Variants in MDGA2 observed in about 807,000 individuals in gnomAD.
MDGA2 encodes MAM domain-containing glycosylphosphatidylinositol anchor protein 2.
In MDGA2, 40 loss-of-function variants were observed where a neutral mutation model predicts 117.8. The ratio of observed to expected loss-of-function variants is 0.34; its 90% confidence interval spans 0.26 to 0.44. The LOEUF is 0.44. MDGA2 is among the 20% of genes least tolerant of loss of function. The pLI is 1.00. For synonymous variants in MDGA2, 452 were observed against 439.0 expected, an observed-to-expected ratio of 1.03 and a Z score of -0.37; for missense variants, 1,123 against 1,250.6, an observed-to-expected ratio of 0.90 and a Z score of 1.54.
At chr14:46,858,488 C>A (rs1453983695) in intron 14 of MDGA2, among the ~76,000 whole-genome samples, 1 of 143,606 alleles carries the variant, frequency 7.0e-6, no homozygotes, top group Non-Finnish European at 1.5e-5. Flanking sequence ...AGTGCAGTGG[C>A]GCGATCTCGG....
chr14:47,102,575 G>A (rs572546869), intron 5 of MDGA2, among the ~76,000 whole-genome samples: 64 of 152,150 alleles, frequency 4.2e-4, no homozygotes, highest in African/African-American at 1.5e-3. Context: ...AACAAGGAAG[G>A]AAGAAAAGCC....
At chr14:47,635,578 T>C (rs1359149623) in intron 1 of MDGA2, among the ~76,000 whole-genome samples, 1 of 152,164 alleles carries the variant, frequency 6.6e-6, no homozygotes, top group Non-Finnish European at 1.5e-5. Flanking sequence ...CCCTTACATA[T>C]TAAATGTACT....
At chr14:47,185,151 A>G (rs1884860580) in intron 3 of MDGA2, among the ~76,000 whole-genome samples, 1 of 151,134 alleles carries the variant, frequency 6.6e-6, no homozygotes, top group African/African-American at 2.4e-5. Flanking sequence ...TTGAATTAAA[A>G]AGATGAATAG....
At chr14:47,179,224 G>A (rs1407156665) in intron 3 of MDGA2, among the ~76,000 whole-genome samples, 1 of 151,830 alleles carries the variant, frequency 6.6e-6, no homozygotes, top group East Asian at 1.9e-4. Flanking sequence ...ATATTATATG[G>A]GGAGCCGAAT....
At chr14:47,408,013 T>C (rs1431718205) in intron 1 of MDGA2, among the ~76,000 whole-genome samples, 2 of 151,956 alleles carry the variant, frequency 1.3e-5, no homozygotes, top group Admixed American at 6.6e-5. Context: ...AGGGAATTTG[T>C]AGATATAATT....
chr14:46,976,787 A>G (rs1039932939), intron 8 of MDGA2, among the ~76,000 whole-genome samples: 1 of 151,908 alleles, frequency 6.6e-6, no homozygotes, highest in Non-Finnish European at 1.5e-5. Flanking sequence ...TAATTCTTCT[A>G]GAATTGAGTC....
At chr14:47,120,076 C>T (rs1451305154) in intron 5 of MDGA2, among the ~76,000 whole-genome samples, 1 of 152,132 alleles carries the variant, frequency 6.6e-6, no homozygotes, top group South Asian at 2.1e-4. Flanking sequence ...TACCCAGTGA[C>T]GCTTCACCGG....
intron 10 of MDGA2, among the ~76,000 whole-genome samples, chr14:46,902,519 T>A (rs1309016519): frequency 6.6e-6 from 1 of 152,194 alleles, no homozygotes; most frequent in Non-Finnish European, 1.5e-5. Flanking sequence ...CTTATTTCCT[T>A]CCAAAATATT....
chr14:47,501,245 T>C (rs558168137), intron 1 of MDGA2, among the ~76,000 whole-genome samples: 17 of 152,164 alleles, frequency 1.1e-4, no homozygotes, highest in Non-Finnish European at 2.1e-4. Flanking sequence ...CAACATTCTA[T>C]GGGACAAGTA....
rs574337575 is a variant in MDGA2, at chr14:47,660,753, A to AT, written c.280+13763dup. Among the ~76,000 whole-genome samples the AT allele has an allele frequency of 1.2e-4, 18 of 152,284 alleles. No homozygotes were observed. In the East Asian group the frequency reaches 3.3e-3, roughly 28 times the overall value. On this transcript the variant is annotated intron_variant, in intron 1 of 16. Transcript: ENST00000399232. The stretch of plus-strand genomic sequence containing the variant: ...TAAAGTAGTACACCTGACAGTGGTT[A>AT]TTTTTTATAAGCACATACCTACTAT...
intron 1 of MDGA2, among the ~76,000 whole-genome samples, chr14:47,416,962 G>A (rs556511287): frequency 8.5e-5 from 13 of 152,300 alleles, no homozygotes; most frequent in African/African-American, 3.1e-4. Flanking sequence ...GAGAGCTGTA[G>A]AGTAAGCCAC....
chr14:47,272,083 G>A (rs566821181), intron 2 of MDGA2, among the ~76,000 whole-genome samples: 15 of 151,874 alleles, frequency 9.9e-5, no homozygotes, highest in Non-Finnish European at 7.4e-5. Flanking sequence ...TTTTTCTTTA[G>A]TTAAGTATAA....
At chr14:47,015,446 T>TA (rs901131560) in intron 8 of MDGA2, among the ~76,000 whole-genome samples, 154 of 136,842 alleles carry the variant, frequency 1.1e-3, no homozygotes, top group East Asian at 3.8e-3. Context: ...TATCTTCAGG[T>TA]AAAAAAAAAA....
chr14:47,545,545 A>G (rs1191573598), intron 1 of MDGA2, among the ~76,000 whole-genome samples: 1 of 152,214 alleles, frequency 6.6e-6, no homozygotes, highest in Non-Finnish European at 1.5e-5. Context: ...AGGTCTGCAC[A>G]TACCAAAAGC....
chr14:47,425,019 T>G (rs1892656873), intron 1 of MDGA2, among the ~76,000 whole-genome samples: 1 of 152,146 alleles, frequency 6.6e-6, no homozygotes, highest in Non-Finnish European at 1.5e-5. Context: ...AGTAAAGAAG[T>G]AGCCCAAGTG....
intron 1 of MDGA2, among the ~76,000 whole-genome samples, chr14:47,554,784 CA>C (rs1895652956): frequency 6.6e-6 from 1 of 152,098 alleles, no homozygotes; most frequent in Non-Finnish European, 1.5e-5. Context: ...AGAGTCTTTA[CA>C]CTTTGGCTTT....
At chr14:47,210,324 G>A (rs987064225) in intron 3 of MDGA2, among the ~76,000 whole-genome samples, 57 of 152,268 alleles carry the variant, frequency 3.7e-4, no homozygotes, top group African/African-American at 1.3e-3. Context: ...TGTGTGAACA[G>A]TGTCTGTACA....
At chr14:47,553,147 T>C (rs1265277280) in intron 1 of MDGA2, among the ~76,000 whole-genome samples, 1 of 152,270 alleles carries the variant, frequency 6.6e-6, no homozygotes, top group Non-Finnish European at 1.5e-5. Context: ...TGATTTATTT[T>C]ATCTATACAT....
Position 47,675,041 on chromosome 14 carries a change from G to C in MDGA2, c.-245C>G. The C allele has an allele frequency of 5.5e-6, 1 of 180,300 alleles. No individual in the cohort carries two copies. Among genetic ancestry groups the C allele is most frequent in the Non-Finnish European group, 1.1e-5 (1 of 87,906 alleles). 11.2% of individuals were successfully genotyped at this position (180,300 alleles called of 1,614,324 possible). A position where few individuals can be genotyped will look rare whatever the true frequency, so the allele number is the denominator to read the frequency against. Reference sequence around the variant, plus strand: ...CGGCGGCGGGCGCGGGCAGGGGGCCGGGGGTGCCGCGCGGTAGGAGCCTGG... The same window carrying C: ...CGGCGGCGGGCGCGGGCAGGGGGCCCGGGGTGCCGCGCGGTAGGAGCCTGG... On this transcript the variant is annotated 5_prime_UTR_variant, in exon 1 of 17. Coordinates refer to ENST00000399232, the MANE Select transcript of MDGA2 (RefSeq NM_001113498.3).
Sources: gnomAD v4.1 joint callset for allele counts (sites outside exome capture counted in the v4.1 genomes callset) on GRCh38, gnomAD v4.1.1 for gene constraint, MANE v1.5 for transcripts, NCBI Gene and HGNC (gene_info 2026-07-23, HGNC 2026-07-21) for gene names.